The following HNF4G variants were observed in gnomAD, a reference collection of about 807,000 sequenced individuals.
HNF4G encodes the protein hepatocyte nuclear factor 4 gamma, also known as hepatocyte nuclear factor 4-gamma.
HNF4G carries 21 observed loss-of-function variants against 50.9 expected under a neutral mutation model. That is an observed-to-expected ratio of 0.41 (90% CI 0.29 to 0.59). The LOEUF is 0.59. HNF4G is among the 20% of genes least tolerant of loss of function. HNF4G has a pLI of 0.26. For missense variants in HNF4G, 527 were observed against 559.4 expected (o/e 0.94, Z 0.58); for synonymous variants, 198 against 185.6 (o/e 1.07, Z -0.54).
At chr8:75,509,071 G>A (rs1319499688) in intron 2 of HNF4G, among the ~76,000 whole-genome samples, 2 of 152,172 alleles carry the variant, frequency 1.3e-5, no homozygotes, top group Admixed American at 1.3e-4. Context: ...GTATCAAGGA[G>A]GATGACATAC....
At chr8:75,423,446 T>A (rs1239233532) in intron 1 of HNF4G, among the ~76,000 whole-genome samples, 3 of 143,992 alleles carry the variant, frequency 2.1e-5, no homozygotes, top group Admixed American at 7.4e-5. Flanking sequence ...ACTTCCCGGG[T>A]TCAAGCAATT....
rs538608456 is a variant in HNF4G at position 75,486,448 on chromosome 8, T to C, written c.-143-3641T>C. On this transcript the variant is annotated intron_variant, in intron 1 of 10. Transcript: ENST00000354370. ...CTTCATTGATCATATACATGTTGAA[T>C]CTGTGTTATGTACAAAGTAGTAAGC... 3.9e-5 allele frequency among the ~76,000 whole-genome samples: 6 copies of C among 152,304 alleles called. No individual in the cohort carries two copies. The East Asian group carries it at 9.7e-4, about 25-fold the overall frequency.
Position 75,461,880 on chromosome 8 carries a change from A to T in HNF4G, c.-143-28209A>T, listed in dbSNP as rs904108851. 2.0e-4 allele frequency among the ~76,000 whole-genome samples: 29 copies of T among 146,628 alleles called. No individual in the cohort carries two copies. In the South Asian group the frequency reaches 5.1e-3, roughly 26 times the overall value. ...ATGTGAATATGGTCTCTTTAAAAAA[A>T]AATAAATATATAAATATATAAATAT... On this transcript the variant is annotated intron_variant, in intron 1 of 10. Transcript: ENST00000354370.
intron 9 of HNF4G, among the ~76,000 whole-genome samples, chr8:75,561,420 T>C (rs1184698398): frequency 6.6e-6 from 1 of 152,226 alleles, no homozygotes; most frequent in Admixed American, 6.5e-5. Context: ...TCCACTGTTG[T>C]TGGTCAATTC....
chr8:75,414,287 T>A (rs577139035), intron 1 of HNF4G, among the ~76,000 whole-genome samples: 66 of 152,282 alleles, frequency 4.3e-4, no homozygotes, highest in African/African-American at 8.2e-4. Flanking sequence ...TCTTTTTTTT[T>A]AATTTAGCAT....
At chr8:75,532,233 T>G (rs572075165) in intron 2 of HNF4G, among the ~76,000 whole-genome samples, 1 of 152,188 alleles carries the variant, frequency 6.6e-6, no homozygotes, top group South Asian at 2.1e-4. Context: ...AATTGAATCT[T>G]AATTATTGTT....
At chr8:75,448,871 A>T (rs1811500052) in intron 1 of HNF4G, among the ~76,000 whole-genome samples, 1 of 152,202 alleles carries the variant, frequency 6.6e-6, no homozygotes, top group Admixed American at 6.5e-5. Context: ...CAACCTGTTG[A>T]CATTATTTTC....
At chr8:75,529,542 A>T (rs1781979235) in intron 2 of HNF4G, among the ~76,000 whole-genome samples, 1 of 152,296 alleles carries the variant, frequency 6.6e-6, no homozygotes, top group East Asian at 1.9e-4. Context: ...CAGAGGGTGA[A>T]GGTAGGGTAC....
intron 1 of HNF4G, among the ~76,000 whole-genome samples, chr8:75,425,458 C>A (rs1810871361): frequency 6.6e-6 from 1 of 151,336 alleles, no homozygotes; most frequent in African/African-American, 2.4e-5. Context: ...ACAAATTAGC[C>A]TTTTTCTGGC....
At chr8:75,547,482 T>A in intron 2 of HNF4G, 105 bp from the exon 3 acceptor site, 3 of 821,026 alleles carry the variant, frequency 3.7e-6, no homozygotes, top group Non-Finnish European at 6.0e-6. Context: ...ACCTTCTTTT[T>A]ATCGAACCGA....
At chr8:75,409,228 A>G (rs1226997316) in intron 1 of HNF4G, among the ~76,000 whole-genome samples, 2 of 152,102 alleles carry the variant, frequency 1.3e-5, no homozygotes, top group Admixed American at 1.3e-4. Flanking sequence ...GGAGTGGAAA[A>G]TTGAGAGCCG....
At chr8:75,444,442 T>C (rs1323204689) in intron 1 of HNF4G, among the ~76,000 whole-genome samples, 1 of 144,642 alleles carries the variant, frequency 6.9e-6, no homozygotes, top group Admixed American at 6.9e-5. Flanking sequence ...TAACTTTAAA[T>C]GTAAATGGAC....
chr8:75,469,131 G>A (rs2130627551), intron 1 of HNF4G, among the ~76,000 whole-genome samples: 1 of 152,336 alleles, frequency 6.6e-6, no homozygotes, highest in Non-Finnish European at 1.5e-5. Context: ...GCAGGTGGAA[G>A]GAGCAGCAGA....
At chr8:75,505,373 A>G (rs1387152538) in intron 2 of HNF4G, among the ~76,000 whole-genome samples, 1 of 151,964 alleles carries the variant, frequency 6.6e-6, no homozygotes, top group Non-Finnish European at 1.5e-5. Context: ...CTCTAGATAC[A>G]CCTTTGGAAT....
intron 3 of HNF4G, among the ~76,000 whole-genome samples, chr8:75,548,187 G>A (rs541255182): frequency 6.6e-6 from 1 of 152,076 alleles, no homozygotes; most frequent in East Asian, 1.9e-4. Flanking sequence ...GTTTCACCAT[G>A]TTAGCCAGGC....
rs1250671917 is a variant in HNF4G, at chr8:75,563,921, G to C, written c.1247-54G>C. 5.6e-6 allele frequency: 9 copies of C among 1,599,852 alleles called. No individual in the cohort carries two copies. The East Asian group carries it at 2.0e-4, about 36-fold the overall frequency. ...TATTGGTGTTATGTAGGGTTTAATG[G>C]GGTGAGGAAGACTGACTGCCACCAT... is the stretch of plus-strand genomic sequence containing the variant. On this transcript the variant is annotated intron_variant, in intron 9 of 9. Coordinates refer to ENST00000396423, the MANE Select transcript of HNF4G (RefSeq NM_004133.5).
At chr8:75,517,770 G>A (rs982798832) in intron 2 of HNF4G, among the ~76,000 whole-genome samples, 1 of 152,034 alleles carries the variant, frequency 6.6e-6, no homozygotes, top group Non-Finnish European at 1.5e-5. Flanking sequence ...ACCATTCTGG[G>A]GTCTGGAAGA....
intron 5 of HNF4G, among the ~76,000 whole-genome samples, chr8:75,554,992 G>C (rs752094763): frequency 3.9e-5 from 6 of 152,114 alleles, no homozygotes; most frequent in Non-Finnish European, 8.8e-5. Flanking sequence ...TGTGAACAAG[G>C]GGTGTTGCAA....
chr8:75,503,501 G>A (rs1005793345), intron 2 of HNF4G, among the ~76,000 whole-genome samples: 3 of 152,184 alleles, frequency 2.0e-5, no homozygotes, highest in African/African-American at 7.2e-5. Flanking sequence ...ACAGCTTCTG[G>A]TCTAGATCAG....
Sources: gnomAD v4.1 joint callset for allele counts (sites outside exome capture counted in the v4.1 genomes callset) on GRCh38, gnomAD v4.1.1 for gene constraint, MANE v1.5 for transcripts, NCBI Gene and HGNC (gene_info 2026-07-23, HGNC 2026-07-21) for gene names.